Variants in SCD5 observed in about 807,000 individuals in gnomAD.
SCD5 encodes the protein acyl-CoA-desaturase 4.
SCD5 carries 20 observed loss-of-function variants against 30.4 expected under a neutral mutation model. That is an observed-to-expected ratio of 0.66 (90% confidence interval 0.46 to 0.96). The LOEUF (loss-of-function observed/expected upper bound fraction) is 0.96, where lower values mean the gene tolerates loss of function less well. SCD5 is among the 40% of genes least tolerant of loss of function. The pLI, the probability that SCD5 is intolerant of heterozygous loss-of-function variation, is 0.00. For missense variants in SCD5, 381 were observed against 443.3 expected (o/e 0.86, Z 1.26); for synonymous variants, 173 against 176.4 (o/e 0.98, Z 0.16).
At chr4:82,676,352 C>T (rs143110179) in intron 3 of SCD5, among the ~76,000 whole-genome samples, 2 of 152,328 alleles carry the variant, frequency 1.3e-5, no homozygotes, top group East Asian at 1.9e-4. Flanking sequence ...CACGCTCAAC[C>T]TTATGAATGG....
chr4:82,685,530 T>C (rs940719671), intron 2 of SCD5, among the ~76,000 whole-genome samples: 4 of 151,938 alleles, frequency 2.6e-5, no homozygotes, highest in Admixed American at 6.5e-5. Context: ...CTGGCCAACA[T>C]AGTGAAACCC....
chr4:82,680,349 G>T (rs1728541352), intron 3 of SCD5, among the ~76,000 whole-genome samples: 1 of 152,280 alleles, frequency 6.6e-6, no homozygotes, highest in South Asian at 2.1e-4. Flanking sequence ...AGTCAAGTGT[G>T]TCACTAAAAT....
At chr4:82,641,543 G>A (rs551386363) in intron 3 of SCD5, among the ~76,000 whole-genome samples, 1 of 152,166 alleles carries the variant, frequency 6.6e-6, no homozygotes, top group East Asian at 1.9e-4. Flanking sequence ...ACTTGGGGAA[G>A]TGAGAAGTTA....
chr4:82,701,874 C>T (rs1356260767), intron 2 of SCD5, among the ~76,000 whole-genome samples: 1 of 152,098 alleles, frequency 6.6e-6, no homozygotes, highest in African/African-American at 2.4e-5. Context: ...CGTGACAGCA[C>T]AAATCTGAAT....
intron 1 of SCD5, among the ~76,000 whole-genome samples, chr4:82,723,985 A>G (rs1410903406): frequency 6.6e-6 from 1 of 152,024 alleles, no homozygotes; most frequent in Non-Finnish European, 1.5e-5. Context: ...CCTTATTTTT[A>G]GGGGATGTGT....
chr4:82,742,672 A>C (rs576824795), intron 1 of SCD5, among the ~76,000 whole-genome samples: 8 of 152,202 alleles, frequency 5.3e-5, no homozygotes, highest in Non-Finnish European at 7.3e-5. Context: ...CTGTAATCCC[A>C]GCTACTCAGG....
chr4:82,767,390 T>G (rs1721515984), intron 1 of SCD5, among the ~76,000 whole-genome samples: 1 of 152,168 alleles, frequency 6.6e-6, no homozygotes, highest in Non-Finnish European at 1.5e-5. Context: ...TCTCCTCGAC[T>G]CAAGGACATG....
intron 1 of SCD5, among the ~76,000 whole-genome samples, chr4:82,759,649 A>T (rs113909643): frequency 1.6e-3 from 78 of 47,936 alleles, no homozygotes; most frequent in Non-Finnish European, 2.1e-3. Flanking sequence ...ACCCCGTCTT[A>T]AAAAAAAAAA....
At position 82,793,825 on chromosome 4, in the gene SCD5, G is replaced by A. The variant is rs553712709; in HGVS notation, c.232+4481C>T. On this transcript the variant is annotated intron_variant, in intron 1 of 4. Transcript: ENST00000319540. ...CAGCTGGTAAGTAAGTAGAAGAGCA[G>A]GGATTCACATTCAGATCTGCCTGTC... Among the ~76,000 whole-genome samples, 10 of 152,260 alleles carry A rather than the reference G, an allele frequency of 6.6e-5. No individual in the cohort carries two copies. In the South Asian group the frequency reaches 1.5e-3, roughly 22 times the overall value.
At chr4:82,636,503 TTC>T (rs1727433533) in intron 4 of SCD5, 86 bp downstream of exon 4, 1 of 997,150 alleles carries the variant, frequency 1.0e-6, no homozygotes, top group East Asian at 2.4e-5. Flanking sequence ...ACTCCACTGC[TTC>T]TCTTTACTGA....
At chr4:82,693,759 G>A (rs896818688) in intron 2 of SCD5, among the ~76,000 whole-genome samples, 1 of 152,344 alleles carries the variant, frequency 6.6e-6, no homozygotes, top group East Asian at 1.9e-4. Flanking sequence ...GGGTCCCCCA[G>A]ACGGACACAG....
intron 1 of SCD5, among the ~76,000 whole-genome samples, chr4:82,767,918 T>C (rs1721527849): frequency 6.6e-6 from 1 of 152,142 alleles, no homozygotes; most frequent in African/African-American, 2.4e-5. Flanking sequence ...GCATGAGGCA[T>C]AAATGTACTC....
chr4:82,751,115 T>C lies in SCD5; in HGVS notation c.233-45702A>G, dbSNP rs548905777. ...AGCTGTGTAAACCCATCATAAAGCATACAATAAGCCCATAATAAGTATCGG... is the reference window on the plus strand; with the variant it reads ...AGCTGTGTAAACCCATCATAAAGCACACAATAAGCCCATAATAAGTATCGG... On this transcript the variant is annotated intron_variant, in intron 1 of 4. Transcript: ENST00000319540. Among the ~76,000 whole-genome samples, 23 of 152,254 alleles carry C rather than the reference T, an allele frequency of 1.5e-4. No individual in the cohort carries two copies. In the South Asian group the frequency reaches 3.7e-3, roughly 25 times the overall value.
At chr4:82,658,808 T>C (rs1446495243) in intron 3 of SCD5, among the ~76,000 whole-genome samples, 1 of 89,208 alleles carries the variant, frequency 1.1e-5, no homozygotes, top group Non-Finnish European at 2.1e-5. Context: ...TTTTTTGTTG[T>C]GTCTCTGCCA....
chr4:82,686,934 G>A (rs1728720784), intron 2 of SCD5, among the ~76,000 whole-genome samples: 1 of 152,154 alleles, frequency 6.6e-6, no homozygotes, highest in Non-Finnish European at 1.5e-5. Context: ...ACTTTGGGAG[G>A]CCAAGGCAGG....
intron 1 of SCD5, among the ~76,000 whole-genome samples, chr4:82,724,803 G>A (rs1302572594): frequency 6.6e-6 from 1 of 152,230 alleles, no homozygotes; most frequent in Non-Finnish European, 1.5e-5. Flanking sequence ...GTGCCTGTGA[G>A]CAGTGGGGCT....
intron 3 of SCD5, among the ~76,000 whole-genome samples, chr4:82,667,339 T>C (rs1728214047): frequency 6.6e-6 from 1 of 152,132 alleles, no homozygotes; most frequent in East Asian, 1.9e-4. Flanking sequence ...GAAAAGTACC[T>C]CTTACAGAGG....
chr4:82,747,558 A>T (rs1721022326), intron 1 of SCD5, among the ~76,000 whole-genome samples: 1 of 152,222 alleles, frequency 6.6e-6, no homozygotes, highest in African/African-American at 2.4e-5. Context: ...GCTTCCTCAC[A>T]GGATTTTGTG....
intron 1 of SCD5, among the ~76,000 whole-genome samples, chr4:82,794,875 T>A (rs1185100237): frequency 6.6e-6 from 1 of 152,000 alleles, no homozygotes; most frequent in African/African-American, 2.4e-5. Flanking sequence ...ATGGTCTCGA[T>A]CTCCTGACCT....
Sources: gnomAD v4.1 joint callset for allele counts (sites outside exome capture counted in the v4.1 genomes callset) on GRCh38, gnomAD v4.1.1 for gene constraint, MANE v1.5 for transcripts, NCBI Gene and HGNC (gene_info 2026-07-23, HGNC 2026-07-21) for gene names.